MAP3K5: variants seen among roughly 807,000 people sequenced by gnomAD.
The protein encoded by MAP3K5 is mitogen-activated protein kinase kinase kinase 5, also known as ASK-1.
Under a neutral mutation model 158.7 loss-of-function variants are expected in MAP3K5, and 56 were observed. The observed-to-expected ratio is 0.35, with a 90% CI of 0.28 to 0.44. MAP3K5 has a LOEUF of 0.44. Ranked by LOEUF, MAP3K5 falls within the 20% of genes least tolerant of loss-of-function variation. The pLI is 1.00. For missense variants in MAP3K5, 1,294 were observed against 1,674.8 expected (o/e 0.77, Z 3.97); for synonymous variants, 579 against 601.7 (o/e 0.96, Z 0.55).
rs946686780 is a variant in MAP3K5, at chr6:136,598,651, C to T, written c.2878+2371G>A. Among the ~76,000 whole-genome samples, 35 of 152,184 alleles carry T rather than the reference C, an allele frequency of 2.3e-4. 1 individual carries two copies. The highest frequency in any genetic ancestry group is 6.0e-4 in the African/African-American group (25 of 41,430). On this transcript the variant is annotated intron_variant, in intron 21 of 29. Transcript: ENST00000359015. ...GGGGAAGGGGGTCTCATTGTCACCA[C>T]CCTCTTACTCCCCTCTTGAGGGGAA...
Position 136,759,354 on chromosome 6 carries a change from A to G in MAP3K5, c.448+32356T>C, listed in dbSNP as rs189750063. On this transcript the variant is annotated intron_variant, in intron 1 of 29. Coordinates refer to ENST00000359015, the MANE Select transcript of MAP3K5 (RefSeq NM_005923.4). ...CATGTTCCTATAAAGATAAAAAGGC[A>G]AAAGTCAGTAACAAAAACCCACATT... Among the ~76,000 whole-genome samples the G allele has an allele frequency of 2.3e-4, 35 of 151,270 alleles. No homozygotes were observed. In the East Asian group the frequency reaches 6.6e-3, roughly 28 times the overall value.
At chr6:136,573,147 AAAGAAG>A (rs1232953908) in intron 25 of MAP3K5, among the ~76,000 whole-genome samples, 1 of 152,240 alleles carries the variant, frequency 6.6e-6, no homozygotes, top group East Asian at 1.9e-4. Flanking sequence ...TGCACTTAAT[AAAGAAG>A]ATGGCCCTCT....
intron 1 of MAP3K5, among the ~76,000 whole-genome samples, chr6:136,726,918 G>C (rs1319324843): frequency 6.6e-6 from 1 of 151,970 alleles, no homozygotes; most frequent in Non-Finnish European, 1.5e-5. Context: ...CACGTAATCT[G>C]CAACTAGAAG....
chr6:136,626,602 G>A (rs796557535), intron 14 of MAP3K5, among the ~76,000 whole-genome samples: 14 of 152,254 alleles, frequency 9.2e-5, no homozygotes, highest in African/African-American at 3.1e-4. Flanking sequence ...CCCAATTCCT[G>A]TAGTCTAGAC....
In MAP3K5 at chr6:136,652,763, G is replaced by A. The variant is rs554034327; in HGVS notation, c.1681-1672C>T. Among the ~76,000 whole-genome samples, 7 of 152,262 alleles carry A rather than the reference G, an allele frequency of 4.6e-5. No homozygotes were observed. The South Asian group carries it at 8.3e-4, about 18-fold the overall frequency. Reference sequence around the variant, plus strand: ...TTCTAACAGATAAAATCTGAACTATGTGTCCCTAACTTGAGACAGGAAATA... The same window carrying A: ...TTCTAACAGATAAAATCTGAACTATATGTCCCTAACTTGAGACAGGAAATA... On this transcript the variant is annotated intron_variant, in intron 10 of 29. Transcript: ENST00000359015.
intron 11 of MAP3K5, among the ~76,000 whole-genome samples, chr6:136,646,215 T>C (rs1038116151): frequency 6.6e-6 from 1 of 152,142 alleles, no homozygotes; most frequent in African/African-American, 2.4e-5. Context: ...CTAAAAGTTA[T>C]AGGAAATAAG....
At chr6:136,649,131 G>A (rs900275127) in intron 11 of MAP3K5, among the ~76,000 whole-genome samples, 8 of 152,024 alleles carry the variant, frequency 5.3e-5, no homozygotes, top group East Asian at 1.9e-4. Flanking sequence ...CACCACGCCC[G>A]GCTAATTTTT....
chr6:136,790,447 G>A lies in MAP3K5; in HGVS notation c.448+1263C>T, dbSNP rs114625519. On this transcript the variant is annotated intron_variant, in intron 1 of 29. Coordinates refer to ENST00000359015, the MANE Select transcript of MAP3K5 (RefSeq NM_005923.4). ...AAGTTATGTTGATGTAACTTTTATA[G>A]CAAGCTACCCAAAGAATCAAGCTAT... Among the ~76,000 whole-genome samples the A allele has an allele frequency of 2.8e-3, 426 of 152,266 alleles. 1 individual carries two copies. The highest frequency in any genetic ancestry group is 6.8e-3 in the Middle Eastern group (2 of 294).
intron 25 of MAP3K5, among the ~76,000 whole-genome samples, chr6:136,575,281 C>A (rs541007576): frequency 4.4e-4 from 67 of 151,744 alleles, no homozygotes; most frequent in African/African-American, 1.6e-3. Flanking sequence ...CTCACCTCAG[C>A]CTCCCTAGTA....
chr6:136,685,283 A>C (rs1276862333), intron 7 of MAP3K5, among the ~76,000 whole-genome samples: 1 of 152,176 alleles, frequency 6.6e-6, no homozygotes, highest in African/African-American at 2.4e-5. Context: ...GTACCCCTGC[A>C]CTTGAGCCTG....
At chr6:136,593,718 A>C in intron 21 of MAP3K5, 1 of 372,896 alleles carries the variant, frequency 2.7e-6, no homozygotes, top group Non-Finnish European at 5.3e-6. Context: ...GATATGCAAA[A>C]AAAAAAAAAA....
chr6:136,670,680 A>G (rs1779445171), intron 7 of MAP3K5, among the ~76,000 whole-genome samples: 1 of 152,190 alleles, frequency 6.6e-6, no homozygotes, highest in Non-Finnish European at 1.5e-5. Flanking sequence ...AATAAATTAA[A>G]CATCAAATGA....
In MAP3K5 at chr6:136,792,027, TGCTCCTCGCCCTCGCCCACCGCCGCC is replaced by T; in HGVS notation, c.105_130del (p.Ala36ProfsTer142). Reference sequence around the variant, plus strand: ...GCCCGGCGGCGGCGGTGGCAGCTGGTGCTCCTCGCCCTCGCCCACCGCCGCCGCTCCTCCCCTCCTGCAGATGCCGC... The same window carrying T: ...GCCCGGCGGCGGCGGTGGCAGCTGGTGCTCCTCCCCTCCTGCAGATGCCGC... On this transcript the variant is annotated frameshift_variant, in exon 1 of 30. Transcript: ENST00000359015. LOFTEE classifies it high-confidence loss of function. This position sits in a 1 kb window ranked among gnomAD's most constrained non-coding sequence, Gnocchi z 5.7. 1.3e-6 allele frequency: 2 copies of T among 1,568,644 alleles called. No individual in the cohort carries two copies. The highest frequency in any genetic ancestry group is 1.7e-6 in the Non-Finnish European group (2 of 1,163,378).
In MAP3K5 at chr6:136,739,967, A is replaced by G. The variant is rs117281622; in HGVS notation, c.449-19378T>C. ...GCCTGTAGCTGCCAAGAAACTCAGC[A>G]GGAGCCCCTCTTTACAGCTGCTACT... On this transcript the variant is annotated intron_variant, in intron 1 of 29. Transcript: ENST00000359015. 2.8e-3 allele frequency among the ~76,000 whole-genome samples: 421 copies of G among 152,254 alleles called. 6 individuals are homozygous for G. The East Asian group carries it at 0.058, about 21-fold the overall frequency.
At position 136,562,658 on chromosome 6, in the gene MAP3K5, G is replaced by T. The variant is rs761199503; in HGVS notation, c.3762-43C>A. On this transcript the variant is annotated intron_variant, in intron 26 of 29. Coordinates refer to ENST00000359015, the MANE Select transcript of MAP3K5 (RefSeq NM_005923.4). ...ATTGTTTGACAGGAGGTGACACAGG[G>T]TGACCTTCTTTTTTTTATTTTTATT... 6 of 1,021,530 alleles carry T rather than the reference G, an allele frequency of 5.9e-6. No individual in the cohort carries two copies. The East Asian group carries it at 1.6e-4, about 27-fold the overall frequency. The allele number at this position is 1,021,530 out of a possible 1,614,324, so 63.3% of individuals were successfully genotyped here.
At chr6:136,780,979 G>C (rs987066621) in intron 1 of MAP3K5, among the ~76,000 whole-genome samples, 1 of 151,888 alleles carries the variant, frequency 6.6e-6, no homozygotes, top group Non-Finnish European at 1.5e-5. Context: ...TTAGTTCTTC[G>C]ATACATCCTG....
intron 14 of MAP3K5, among the ~76,000 whole-genome samples, chr6:136,635,128 TAAA>T (rs758234854): frequency 3.9e-5 from 5 of 129,656 alleles, no homozygotes; most frequent in Middle Eastern, 3.9e-3. Flanking sequence ...ATCTCTGGTT[TAAA>T]AAAAAAAAAA....
chr6:136,710,677 G>A (rs1329088020), intron 2 of MAP3K5, among the ~76,000 whole-genome samples: 1 of 152,106 alleles, frequency 6.6e-6, no homozygotes, highest in Admixed American at 6.5e-5. Flanking sequence ...GCAGGCATGG[G>A]GTGGCCAAGT....
At chr6:136,646,019 T>A (rs1240977422) in intron 11 of MAP3K5, among the ~76,000 whole-genome samples, 2 of 151,994 alleles carry the variant, frequency 1.3e-5, no homozygotes, top group Admixed American at 1.3e-4. Flanking sequence ...AATAATAAAG[T>A]TTTTTTGTTT....
Sources: gnomAD v4.1 joint callset for allele counts (sites outside exome capture counted in the v4.1 genomes callset) on GRCh38, gnomAD v4.1.1 for gene constraint, Gnocchi (gnomAD v3.1) non-coding constraint, MANE v1.5 for transcripts, NCBI Gene and HGNC (gene_info 2026-07-23, HGNC 2026-07-21) for gene names.